GPHN: variants seen among roughly 807,000 people sequenced by gnomAD.
GPHN encodes gephyrin.
Under a neutral mutation model 95.5 loss-of-function variants are expected in GPHN, and 17 were observed. The observed-to-expected ratio is 0.18, with a 90% confidence interval of 0.12 to 0.27. The LOEUF is 0.27. Among genes scored for constraint, GPHN ranks in the 10% least tolerant of loss-of-function variants. The pLI is 1.00. For synonymous variants in GPHN, 320 were observed against 322.5 expected (o/e 0.99, Z 0.08); for missense variants, 660 against 978.1 (o/e 0.67, Z 4.34).
At position 66,823,795 on chromosome 14, in the gene GPHN, C is replaced by T. The variant is rs372754960; in HGVS notation, c.202-679C>T. Reference sequence around the variant, plus strand: ...GCTATTTGTATTTCACAACAGTTATCGGCAATTAAATGATGAAATTCTATT... The same window carrying T: ...GCTATTTGTATTTCACAACAGTTATTGGCAATTAAATGATGAAATTCTATT... On this transcript the variant is annotated intron_variant, in intron 3 of 22. Coordinates refer to ENST00000478722, the MANE Select transcript of GPHN (RefSeq NM_020806.5). Among the ~76,000 whole-genome samples, 7 of 152,064 alleles carry T rather than the reference C, an allele frequency of 4.6e-5. No individual in the cohort carries two copies. The South Asian group carries it at 6.3e-4, about 14-fold the overall frequency.
At chr14:67,255,853 A>C in the GPHN span, among the ~76,000 whole-genome samples, 3 of 152,138 alleles carry the variant, frequency 2.0e-5, no homozygotes, top group East Asian at 5.8e-4. Flanking sequence ...ATGCCTGGCT[A>C]ATTTTGTATT....
chr14:67,383,550 T>G, the GPHN span: 9 of 1,460,470 alleles, frequency 6.2e-6, no homozygotes, highest in African/African-American at 1.1e-4. Context: ...TGAATATTTT[T>G]TATTTCTAAG....
the GPHN span, chr14:67,573,503 C>T: frequency 1.3e-6 from 1 of 745,678 alleles, no homozygotes. This position sits in a 1 kb window ranked among gnomAD's most constrained non-coding sequence, Gnocchi z 4.8. Context: ...AAAGGTCTGG[C>T]AGGTGGGGAG....
intron 11 of GPHN, among the ~76,000 whole-genome samples, chr14:67,069,602 T>C (rs898487856): frequency 1.3e-5 from 2 of 152,344 alleles, no homozygotes; most frequent in African/African-American, 4.8e-5. Context: ...ACAAAGAACC[T>C]AGGTCAAAGA....
the GPHN span, among the ~76,000 whole-genome samples, chr14:67,196,215 CTTTCTT>C: frequency 6.9e-6 from 1 of 145,394 alleles, no homozygotes; most frequent in South Asian, 2.1e-4. Context: ...CTTTTCTTTT[CTTTCTT>C]TCTTTTTTTT....
intron 11 of GPHN, among the ~76,000 whole-genome samples, chr14:67,061,329 C>G (rs1371254875): frequency 6.6e-6 from 1 of 152,136 alleles, no homozygotes; most frequent in Non-Finnish European, 1.5e-5. Context: ...AGCCAATGCG[C>G]CTGGCCCAGT....
intron 17 of GPHN, among the ~76,000 whole-genome samples, chr14:67,126,720 A>G (rs1305739101): frequency 6.6e-6 from 1 of 152,132 alleles, no homozygotes; most frequent in African/African-American, 2.4e-5. Flanking sequence ...TAGAAATACC[A>G]TTTGACCCAG....
downstream of GPHN, among the ~76,000 whole-genome samples, chr14:67,182,508 TGAA>T (rs879451007): frequency 4.2e-4 from 64 of 152,350 alleles, no homozygotes; most frequent in African/African-American, 1.3e-3. Context: ...TATTTACAGT[TGAA>T]GAAGATAAGG....
chr14:66,713,796 T>C (rs1009461431), intron 2 of GPHN, among the ~76,000 whole-genome samples: 1 of 152,038 alleles, frequency 6.6e-6, no homozygotes, highest in Non-Finnish European at 1.5e-5. Context: ...TGAGACGGAG[T>C]CTCTCTCTGT....
chr14:66,707,702 T>C (rs1378419460), intron 2 of GPHN, among the ~76,000 whole-genome samples: 2 of 151,640 alleles, frequency 1.3e-5, no homozygotes, highest in East Asian at 3.9e-4. Flanking sequence ...AAAGGATGGG[T>C]CAATAGGTGC....
the GPHN span, among the ~76,000 whole-genome samples, chr14:67,230,162 G>A: frequency 0.058 from 8,825 of 152,178 alleles, 536 homozygotes; most frequent in African/African-American, 0.15. Flanking sequence ...ATTCTTACAG[G>A]TAGAAAGCTA....
chr14:67,103,126 A>C (rs1165328272), intron 13 of GPHN, among the ~76,000 whole-genome samples: 1 of 152,124 alleles, frequency 6.6e-6, no homozygotes, highest in East Asian at 1.9e-4. Context: ...GTTGCCCAGC[A>C]TGATCTCAGC....
Position 67,177,252 on chromosome 14 carries a change from T to C in GPHN, c.2080-2326T>C, listed in dbSNP as rs113072600. 8.2e-3 allele frequency among the ~76,000 whole-genome samples: 1,252 copies of C among 152,364 alleles called. 8 individuals are homozygous for C. Among genetic ancestry groups the C allele is most frequent in the Non-Finnish European group, 0.012 (845 of 68,032 alleles). Reference sequence around the variant, plus strand: ...TTCCCTCTACACATTGCTTTAAACGTGTCCCAAAGATTCTGGTATGTCGTG... The same window carrying C: ...TTCCCTCTACACATTGCTTTAAACGCGTCCCAAAGATTCTGGTATGTCGTG... On this transcript the variant is annotated intron_variant, in intron 21 of 22. Coordinates refer to ENST00000478722, the MANE Select transcript of GPHN (RefSeq NM_020806.5).
At chr14:66,822,491 C>A (rs758159821) in intron 3 of GPHN, among the ~76,000 whole-genome samples, 5 of 152,148 alleles carry the variant, frequency 3.3e-5, no homozygotes, top group Non-Finnish European at 4.4e-5. Flanking sequence ...GGATGAGAAC[C>A]ATTACTTGAC....
At chr14:66,990,357 A>C (rs2153603396) in intron 9 of GPHN, among the ~76,000 whole-genome samples, 1 of 152,238 alleles carries the variant, frequency 6.6e-6, no homozygotes, top group African/African-American at 2.4e-5. Context: ...TACTTCATTA[A>C]AATGCTGGTG....
chr14:66,659,087 G>T (rs190209884), intron 1 of GPHN, among the ~76,000 whole-genome samples: 1 of 151,636 alleles, frequency 6.6e-6, no homozygotes, highest in African/African-American at 2.4e-5. Flanking sequence ...TATATTGTCC[G>T]TATAGCACTA....
the GPHN span, among the ~76,000 whole-genome samples, chr14:67,418,621 G>A: frequency 2.6e-5 from 4 of 152,216 alleles, no homozygotes; most frequent in South Asian, 4.1e-4. Flanking sequence ...CTTGGAGAGA[G>A]AGCTGCAGCC....
intron 1 of GPHN, among the ~76,000 whole-genome samples, chr14:66,552,756 T>G (rs1400172247): frequency 6.6e-6 from 1 of 152,196 alleles, no homozygotes; most frequent in East Asian, 1.9e-4. Context: ...TTTTACTGTT[T>G]TCTGACTTCC....
At chr14:67,128,191 A>G (rs2079450627) in intron 17 of GPHN, among the ~76,000 whole-genome samples, 1 of 152,140 alleles carries the variant, frequency 6.6e-6, no homozygotes, top group Non-Finnish European at 1.5e-5. Flanking sequence ...AAACTAGTAA[A>G]GCCTAGATAT....
Sources: allele counts gnomAD v4.1 joint callset (sites outside exome capture counted in the v4.1 genomes callset), GRCh38; gene constraint gnomAD v4.1.1; non-coding constraint Gnocchi (gnomAD v3.1); transcripts MANE v1.5; gene names NCBI Gene and HGNC (gene_info 2026-07-23, HGNC 2026-07-21).